Variants in ERBB4 observed in about 807,000 individuals in gnomAD.
ERBB4 encodes the protein receptor tyrosine-protein kinase erbB-4.
ERBB4 carries 42 observed loss-of-function variants against 158.0 expected under a neutral mutation model. The observed-to-expected ratio is 0.27, with a 90% CI of 0.21 to 0.34. ERBB4 has a LOEUF of 0.34. Among genes scored for constraint, ERBB4 ranks in the 10% least tolerant of loss-of-function variants. The pLI, the probability that ERBB4 is intolerant of heterozygous loss-of-function variation, is 1.00. For synonymous variants in ERBB4, 583 were observed against 558.7 expected (o/e 1.04, Z -0.61); for missense variants, 1,333 against 1,624.1 (o/e 0.82, Z 3.08).
intron 1 of ERBB4, among the ~76,000 whole-genome samples, chr2:212,292,326 C>A (rs565664550): frequency 6.6e-6 from 1 of 152,012 alleles, no homozygotes; most frequent in East Asian, 1.9e-4. Context: ...AAATGAGGCT[C>A]AGAGAAGTGA....
chr2:212,118,924 C>T (rs1384076120), intron 2 of ERBB4, among the ~76,000 whole-genome samples: 3 of 151,812 alleles, frequency 2.0e-5, no homozygotes, highest in Non-Finnish European at 4.4e-5. Flanking sequence ...CTGACTTTTT[C>T]AAAGTCATTG....
intron 2 of ERBB4, among the ~76,000 whole-genome samples, chr2:211,977,850 C>T (rs2081659743): frequency 9.7e-6 from 1 of 102,958 alleles, no homozygotes; most frequent in Non-Finnish European, 2.2e-5. Context: ...CAGAGCGAAA[C>T]TCCGTCTCAA....
intron 1 of ERBB4, among the ~76,000 whole-genome samples, chr2:212,150,202 G>A (rs1408314372): frequency 6.6e-6 from 1 of 152,108 alleles, no homozygotes; most frequent in Non-Finnish European, 1.5e-5. Flanking sequence ...TGCTGCCTCT[G>A]AAGCCTCTAA....
At chr2:212,278,937 A>G (rs1238075104) in intron 1 of ERBB4, among the ~76,000 whole-genome samples, 1 of 151,602 alleles carries the variant, frequency 6.6e-6, no homozygotes, top group African/African-American at 2.4e-5. Flanking sequence ...ATATAATGGT[A>G]CTTCAGGGAT....
intron 1 of ERBB4, among the ~76,000 whole-genome samples, chr2:212,521,075 T>C (rs1305925570): frequency 6.6e-6 from 1 of 151,984 alleles, no homozygotes; most frequent in Non-Finnish European, 1.5e-5. Flanking sequence ...TTTCCAAAAA[T>C]ACATTCAGTC....
At chr2:212,145,494 A>C (rs2080635171) in intron 1 of ERBB4, among the ~76,000 whole-genome samples, 1 of 152,126 alleles carries the variant, frequency 6.6e-6, no homozygotes, top group Non-Finnish European at 1.5e-5. Context: ...AGAAAAGCTA[A>C]AGAGAAAGGG....
intron 20 of ERBB4, among the ~76,000 whole-genome samples, chr2:211,526,131 GGACTTGGGTGA>G (rs1225539865): frequency 1.3e-5 from 2 of 152,040 alleles, no homozygotes; most frequent in Non-Finnish European, 2.9e-5. Context: ...AGTTTCAGTG[GGACTTGGGTGA>G]GACTCAGGGC....
chr2:211,744,123 T>C (rs759475769), intron 5 of ERBB4, among the ~76,000 whole-genome samples: 2 of 152,166 alleles, frequency 1.3e-5, no homozygotes, highest in Non-Finnish European at 2.9e-5. Context: ...AAATATTTCA[T>C]ATGTTAGGAA....
intron 3 of ERBB4, among the ~76,000 whole-genome samples, chr2:211,819,356 GAC>G (rs2076943669): frequency 6.6e-6 from 1 of 151,922 alleles, no homozygotes; most frequent in Non-Finnish European, 1.5e-5. Flanking sequence ...CACAAGAAAA[GAC>G]ACATGTTATA....
intron 4 of ERBB4, chr2:211,778,919 T>G (rs62183034): frequency 0.24 from 36,032 of 152,106 alleles, 4,619 homozygotes; most frequent in Non-Finnish European, 0.28. Context: ...CAACACTACT[T>G]TGTTTGACCC....
At chr2:212,501,144 G>T (rs528871379) in intron 1 of ERBB4, among the ~76,000 whole-genome samples, 2 of 152,230 alleles carry the variant, frequency 1.3e-5, no homozygotes, top group East Asian at 3.9e-4. Flanking sequence ...TAATTAGAGA[G>T]GACAAAGATA....
intron 19 of ERBB4, among the ~76,000 whole-genome samples, chr2:211,615,647 G>C (rs566944298): frequency 7.9e-5 from 12 of 152,092 alleles, no homozygotes; most frequent in Non-Finnish European, 8.8e-5. Context: ...AACACAAACT[G>C]CCCCTTATTT....
At chr2:211,387,177 G>A (rs201254580) in intron 26 of ERBB4, 27 bp from the exon 27 acceptor site, 1 of 1,541,308 alleles carries the variant, frequency 6.5e-7, no homozygotes, top group Non-Finnish European at 9.0e-7. Context: ...CATATGTGGA[G>A]AGAAGGCGTT....
rs190967482 is a variant in ERBB4 at position 211,938,982 on chromosome 2, G to A, written c.421+8448C>T. 2.9e-3 allele frequency among the ~76,000 whole-genome samples: 448 copies of A among 152,246 alleles called. 5 individuals are homozygous for A. The highest frequency in any genetic ancestry group is 9.5e-3 in the African/African-American group (394 of 41,522). On this transcript the variant is annotated intron_variant, in intron 3 of 27. Coordinates refer to ENST00000342788, the MANE Select transcript of ERBB4 (RefSeq NM_005235.3). ...AAAAAGCCATAGCTGAATGACAGTG[G>A]CTATAGGATGAGTAATAGATTTTTA...
chr2:212,436,704 G>T (rs890062062), intron 1 of ERBB4, among the ~76,000 whole-genome samples: 18 of 151,988 alleles, frequency 1.2e-4, no homozygotes, highest in African/African-American at 4.3e-4. Flanking sequence ...AAAAGTTAAG[G>T]TTGACAAAAT....
intron 3 of ERBB4, among the ~76,000 whole-genome samples, chr2:211,926,917 C>T (rs1402746670): frequency 1.3e-5 from 2 of 152,058 alleles, no homozygotes; most frequent in African/African-American, 4.8e-5. Context: ...GTCCTATCCT[C>T]GGTTATACTT....
At chr2:211,524,728 G>C (rs755288965) in intron 20 of ERBB4, among the ~76,000 whole-genome samples, 1 of 152,124 alleles carries the variant, frequency 6.6e-6, no homozygotes, top group African/African-American at 2.4e-5. Flanking sequence ...CAAGCGCCAG[G>C]CGCAGCCCAG....
In ERBB4 at chr2:211,377,517, C is replaced by G; in HGVS notation, c.*6098G>C. On this transcript the variant is annotated 3_prime_UTR_variant, in exon 28 of 28. Coordinates refer to ENST00000342788, the MANE Select transcript of ERBB4 (RefSeq NM_005235.3). ...CATTCTATTAAACAACATGGATTTTCATTAACATGAACTGTCCTCATTATG... is the reference window on the plus strand; with the variant it reads ...CATTCTATTAAACAACATGGATTTTGATTAACATGAACTGTCCTCATTATG... 4.3e-6 allele frequency: 1 copy of G among 232,772 alleles called. No homozygotes were observed. The highest frequency in any genetic ancestry group is 8.5e-6 in the Non-Finnish European group (1 of 117,598). 14.4% of individuals were successfully genotyped at this position (232,772 alleles called of 1,614,324 possible). A position where few individuals can be genotyped will look rare whatever the true frequency, so the allele number is the denominator to read the frequency against.
intron 2 of ERBB4, among the ~76,000 whole-genome samples, chr2:212,005,590 A>C (rs1229917664): frequency 6.6e-6 from 1 of 152,190 alleles, no homozygotes; most frequent in Non-Finnish European, 1.5e-5. Context: ...AGAGTGTTCC[A>C]AACAGTGCAA....
Sources: allele counts gnomAD v4.1 joint callset (sites outside exome capture counted in the v4.1 genomes callset), GRCh38; gene constraint gnomAD v4.1.1; transcripts MANE v1.5; gene names NCBI Gene and HGNC (gene_info 2026-07-23, HGNC 2026-07-21).